RGS18: variants seen among roughly 807,000 people sequenced by gnomAD.
RGS18 encodes regulator of G protein signaling 18, also known as regulator of G-protein signaling 18.
RGS18 carries 22 observed loss-of-function variants against 27.6 expected under a neutral mutation model. That is an observed-to-expected ratio of 0.80 (90% CI 0.57 to 1.14). The LOEUF (loss-of-function observed/expected upper bound fraction) is 1.14, where lower values mean the gene tolerates loss of function less well. Among genes scored for constraint, RGS18 ranks in the 50% most tolerant of loss-of-function variants. The pLI, the probability that RGS18 is intolerant of heterozygous loss-of-function variation, is 0.00. For synonymous variants in RGS18, 89 were observed against 84.6 expected, an observed-to-expected ratio of 1.05 and a Z score of -0.29; for missense variants, 299 against 269.6, an observed-to-expected ratio of 1.11 and a Z score of -0.76.
chr1:192,171,797 T>G (rs1656260743), intron 3 of RGS18, among the ~76,000 whole-genome samples: 1 of 151,894 alleles, frequency 6.6e-6, no homozygotes, highest in Admixed American at 6.6e-5. Flanking sequence ...GAGGATAAGG[T>G]CTATATAAAG....
chr1:192,174,390 A>C (rs1488850109), intron 3 of RGS18, among the ~76,000 whole-genome samples: 4 of 151,828 alleles, frequency 2.6e-5, no homozygotes, highest in African/African-American at 9.7e-5. Flanking sequence ...TTCCCTGTGC[A>C]TTTGAAAAGA....
chr1:192,171,183 A>G (rs968901546), intron 3 of RGS18, among the ~76,000 whole-genome samples: 4 of 152,084 alleles, frequency 2.6e-5, no homozygotes, highest in Non-Finnish European at 4.4e-5. Flanking sequence ...GTTCATTTAT[A>G]TTTCCCTTTT....
At chr1:192,161,611 C>G (rs968281089) in intron 3 of RGS18, 2 of 151,828 alleles carry the variant, frequency 1.3e-5, no homozygotes, top group East Asian at 3.9e-4. Context: ...TTAAACTTGT[C>G]CAGTTTCTCA....
chr1:192,163,118 T>C (rs1404621366), intron 3 of RGS18, among the ~76,000 whole-genome samples: 1 of 152,220 alleles, frequency 6.6e-6, no homozygotes. Context: ...TAAATGAAGA[T>C]AATGTTTTTA....
chr1:192,160,694 T>C, intron 3 of RGS18: 1 of 394,046 alleles, frequency 2.5e-6, no homozygotes, highest in Non-Finnish European at 4.5e-6. Context: ...TTTCAGTTTT[T>C]AAATTTTTCC....
At chr1:192,169,887 C>T (rs1227088002) in intron 3 of RGS18, 1 of 152,094 alleles carries the variant, frequency 6.6e-6, no homozygotes, top group Non-Finnish European at 1.5e-5. Context: ...TTAAGGACTG[C>T]TTTTTAGAGT....
chr1:192,160,622 T>C lies in RGS18; in HGVS notation c.283+183T>C, dbSNP rs140930567. 5.9e-6 allele frequency: 3 copies of C among 509,616 alleles called. No homozygotes were observed. The East Asian group carries it at 9.0e-5, about 15-fold the overall frequency. The allele number at this position is 509,616 out of a possible 1,614,324, so 31.6% of individuals were successfully genotyped here. On this transcript the variant is annotated intron_variant, in intron 3 of 4. Coordinates refer to ENST00000367460, the MANE Select transcript of RGS18 (RefSeq NM_130782.3). ...CAAATAATGGAAATTTTTTTAAAAG[T>C]TCTCATTTTGTTTAGAATTACCTAC...
chr1:192,164,878 G>T (rs576017178), intron 3 of RGS18, among the ~76,000 whole-genome samples: 1 of 152,210 alleles, frequency 6.6e-6, no homozygotes, highest in South Asian at 2.1e-4. Context: ...TGTGATGATT[G>T]CGTTAACTGT....
Position 192,158,527 on chromosome 1 carries a change from G to A in RGS18, c.-111G>A. 1 of 955,358 alleles carries A rather than the reference G, an allele frequency of 1.0e-6. No homozygotes were observed. 59.2% of individuals were successfully genotyped at this position (955,358 alleles called of 1,614,324 possible). A position where few individuals can be genotyped will look rare whatever the true frequency, so the allele number is the denominator to read the frequency against. On this transcript the variant is annotated 5_prime_UTR_variant, in exon 1 of 5. Coordinates refer to ENST00000367460, the MANE Select transcript of RGS18 (RefSeq NM_130782.3). ...TGACTTCTTTTTTGTAAACATTACT[G>A]TAAGAGTTGTGATAACTTTTTATTC...
intron 3 of RGS18, among the ~76,000 whole-genome samples, chr1:192,173,479 T>A (rs565386647): frequency 6.6e-6 from 1 of 151,892 alleles, no homozygotes; most frequent in Non-Finnish European, 1.5e-5. Flanking sequence ...AGGTGGAAAG[T>A]GTTCATCTCC....
chr1:192,169,795 C>A (rs1374667048), intron 3 of RGS18: 1 of 151,934 alleles, frequency 6.6e-6, no homozygotes, highest in Non-Finnish European at 1.5e-5. Flanking sequence ...ACTGACCCTG[C>A]AATAAGAAAT....
intron 3 of RGS18, among the ~76,000 whole-genome samples, chr1:192,178,977 G>T (rs1007446267): frequency 1.3e-5 from 2 of 151,274 alleles, no homozygotes; most frequent in Non-Finnish European, 3.0e-5. Flanking sequence ...AGAGAAGATG[G>T]GCAAATAGGG....
Position 192,185,387 on chromosome 1 carries a change from G to C in RGS18, c.*833G>C, listed in dbSNP as rs1656531228. 1 of 151,570 alleles carries C rather than the reference G, an allele frequency of 6.6e-6. No homozygotes were observed. The highest frequency in any genetic ancestry group is 1.5e-5 in the Non-Finnish European group (1 of 67,712). 9.4% of individuals were successfully genotyped at this position (151,570 alleles called of 1,614,324 possible). Reference sequence around the variant, plus strand: ...CCATCAATGGCTTGAATAAAAACCAGAGAAGGTTTTTCCCAGGACGTCTCA... The same window carrying C: ...CCATCAATGGCTTGAATAAAAACCACAGAAGGTTTTTCCCAGGACGTCTCA... On this transcript the variant is annotated 3_prime_UTR_variant, in exon 5 of 5. Coordinates refer to ENST00000367460, the MANE Select transcript of RGS18 (RefSeq NM_130782.3).
At chr1:192,171,537 G>T (rs1285051383) in intron 3 of RGS18, among the ~76,000 whole-genome samples, 1 of 151,976 alleles carries the variant, frequency 6.6e-6, no homozygotes, top group Admixed American at 6.6e-5. Flanking sequence ...ATTTACTGAG[G>T]AAAAGAAATG....
chr1:192,181,817 A>G (rs1656462159), intron 4 of RGS18, among the ~76,000 whole-genome samples: 1 of 151,524 alleles, frequency 6.6e-6, no homozygotes, highest in Admixed American at 6.6e-5. Context: ...CTATCTCTGT[A>G]CCTGTTGATC....
At chr1:192,172,310 G>C (rs1217953088) in intron 3 of RGS18, among the ~76,000 whole-genome samples, 1 of 151,892 alleles carries the variant, frequency 6.6e-6, no homozygotes, top group African/African-American at 2.4e-5. Context: ...TAGTTCTCAG[G>C]GGAATGGATT....
intron 3 of RGS18, among the ~76,000 whole-genome samples, chr1:192,173,340 G>T (rs1233212752): frequency 6.6e-6 from 1 of 151,752 alleles, no homozygotes; most frequent in Non-Finnish European, 1.5e-5. Flanking sequence ...TAGAATCTTT[G>T]CTTCTATAAT....
Position 192,184,915 on chromosome 1 carries a change from G to A in RGS18, c.*361G>A. On this transcript the variant is annotated 3_prime_UTR_variant, in exon 5 of 5. Transcript: ENST00000367460. The stretch of plus-strand genomic sequence containing the variant: ...AGTCTAGTTGGGATTTTTTACCAAA[G>A]CAGCATAATATGTGTTATATAAACA... 4.6e-6 allele frequency: 1 copy of A among 216,132 alleles called. No homozygotes were observed. Among genetic ancestry groups the A allele is most frequent in the East Asian group, 1.2e-4 (1 of 8,568 alleles). 13.4% of individuals were successfully genotyped at this position (216,132 alleles called of 1,614,324 possible).
chr1:192,159,418 T>G, intron 2 of RGS18, 97 bp downstream of exon 2: 1 of 754,098 alleles, frequency 1.3e-6, no homozygotes, highest in Admixed American at 2.4e-5. Context: ...TATTGAAAAT[T>G]ACACAGCAAT....
Sources: allele counts gnomAD v4.1 joint callset (sites outside exome capture counted in the v4.1 genomes callset), GRCh38; gene constraint gnomAD v4.1.1; transcripts MANE v1.5; gene names NCBI Gene and HGNC (gene_info 2026-07-23, HGNC 2026-07-21).